Variants in KIF27 observed in about 807,000 individuals in gnomAD.
The protein encoded by KIF27 is kinesin family member 27.
A neutral mutation model predicts 141.8 loss-of-function variants in KIF27; 84 were observed. The ratio of observed to expected loss-of-function variants is 0.59; its 90% CI spans 0.50 to 0.71. The LOEUF is 0.71. Ranked by LOEUF, KIF27 falls within the 30% of genes least tolerant of loss-of-function variation. The pLI is 0.00. For missense variants in KIF27, 1,306 were observed against 1,628.4 expected, an observed-to-expected ratio of 0.80 and a Z score of 3.41; for synonymous variants, 471 against 569.5, an observed-to-expected ratio of 0.83 and a Z score of 2.46.
At chr9:83,853,963 T>C (rs1211162506) in intron 14 of KIF27, 128 bp from the exon 15 acceptor site, 3 of 716,416 alleles carry the variant, frequency 4.2e-6, no homozygotes, top group Non-Finnish European at 6.9e-6. Context: ...TTTAAGAAAA[T>C]GTTTTTTGAG....
At chr9:83,882,420 G>A (rs373886431) in intron 10 of KIF27, among the ~76,000 whole-genome samples, 1 of 152,160 alleles carries the variant, frequency 6.6e-6, no homozygotes, top group East Asian at 1.9e-4. Flanking sequence ...ACCACTATGG[G>A]ACTCTGACTG....
chr9:83,836,721 T>C lies in KIF27; in HGVS notation c.*280A>G. On this transcript the variant is annotated 3_prime_UTR_variant, in exon 18 of 18. Transcript: ENST00000297814. ...TATTTTAGTCTATTACTAGTTTTAA[T>C]CTTCAAATATGCCTGGAAAAACATT... is the stretch of plus-strand genomic sequence containing the variant. 3.1e-6 allele frequency: 1 copy of C among 317,528 alleles called. No homozygotes were observed. The highest frequency in any genetic ancestry group is 6.7e-5 in the East Asian group (1 of 14,894). 19.7% of individuals were successfully genotyped at this position (317,528 alleles called of 1,614,324 possible).
At chr9:83,871,213 G>A (rs893948109) in intron 11 of KIF27, among the ~76,000 whole-genome samples, 2 of 152,056 alleles carry the variant, frequency 1.3e-5, no homozygotes, top group African/African-American at 4.8e-5. Flanking sequence ...AAGTCACCAT[G>A]CTCAGCCTTA....
intron 13 of KIF27, among the ~76,000 whole-genome samples, chr9:83,866,952 C>T (rs1340796865): frequency 1.3e-5 from 2 of 148,496 alleles, no homozygotes; most frequent in Non-Finnish European, 3.0e-5. Context: ...TTATTCACCC[C>T]CCCCCCAAAA....
intron 10 of KIF27, among the ~76,000 whole-genome samples, chr9:83,883,044 T>C (rs1951808966): frequency 6.6e-6 from 1 of 151,882 alleles, no homozygotes; most frequent in Admixed American, 6.6e-5. Flanking sequence ...ACATCTATTT[T>C]GTTTAAAGCA....
chr9:83,859,395 A>T, intron 13 of KIF27, 24 bp from the exon 14 acceptor site: 1 of 1,540,680 alleles, frequency 6.5e-7, no homozygotes, highest in Non-Finnish European at 9.0e-7. Context: ...CCCACCAGCC[A>T]CCTCAAAAAC....
intron 10 of KIF27, 148 bp downstream of exon 10, chr9:83,883,665 A>C (rs1028693072): frequency 1.7e-5 from 10 of 574,982 alleles, no homozygotes; most frequent in Non-Finnish European, 1.8e-5. Flanking sequence ...AAAATATGTA[A>C]ATCGACCAGC....
At chr9:83,856,739 C>CAAA (rs1164022379) in intron 14 of KIF27, among the ~76,000 whole-genome samples, 2 of 64,346 alleles carry the variant, frequency 3.1e-5, no homozygotes, top group Non-Finnish European at 5.7e-5. Context: ...GACTCCGTCT[C>CAAA]AAAAAAAAAA....
chr9:83,903,999 T>A lies in KIF27; in HGVS notation c.519A>T (p.Glu173Asp). 1.9e-6 allele frequency: 3 copies of A among 1,603,576 alleles called. No homozygotes were observed. The highest frequency in any genetic ancestry group is 1.7e-6 in the Non-Finnish European group (2 of 1,174,920). ...CTTCACCTGCACTCTCCACATGGCA[T>A]TCCTTGGCCCCAACAATCACTTAAA... ...KGNTVIVGAK[E>D]CHVESAGEVM... is the part of the protein sequence containing the mutation. The change falls in exon 4 of 18, where the codon GAA becomes GAT. Residue 173 changes from glutamate (E) to aspartate (D), a missense_variant. Around this residue, in one of 4 missense-constraint regions of KIF27, gnomAD observed 533 missense variants for 565.6 expected, o/e 0.94. Transcript: ENST00000297814.
intron 13 of KIF27, among the ~76,000 whole-genome samples, chr9:83,863,049 T>C (rs1034737070): frequency 6.6e-6 from 1 of 152,228 alleles, no homozygotes; most frequent in East Asian, 1.9e-4. Flanking sequence ...TTGCTGAAGT[T>C]GCTTATTAGC....
At chr9:83,919,146 AAGAC>A (rs1401073230) in intron 1 of KIF27, among the ~76,000 whole-genome samples, 2 of 152,204 alleles carry the variant, frequency 1.3e-5, no homozygotes, top group Admixed American at 6.5e-5. Context: ...TATAATAAAA[AAGAC>A]AGATCATAAG....
chr9:83,842,636 T>G (rs1946719682), intron 16 of KIF27, among the ~76,000 whole-genome samples: 2 of 152,074 alleles, frequency 1.3e-5, no homozygotes, highest in Non-Finnish European at 2.9e-5. Context: ...CGGCTAATTT[T>G]TTTGTATTTT....
intron 11 of KIF27, among the ~76,000 whole-genome samples, chr9:83,873,744 C>T (rs933292611): frequency 6.6e-5 from 10 of 152,130 alleles, no homozygotes; most frequent in Admixed American, 2.0e-4. Flanking sequence ...TGACTCTCTA[C>T]GTAGTATTTC....
chr9:83,838,664 A>G (rs1946202616), intron 17 of KIF27: 1 of 152,258 alleles, frequency 6.6e-6, no homozygotes, highest in South Asian at 2.1e-4. Flanking sequence ...TAAAATTTGA[A>G]AAGTTTCATA....
At chr9:83,901,380 C>A (rs1476016965) in intron 4 of KIF27, among the ~76,000 whole-genome samples, 1 of 152,174 alleles carries the variant, frequency 6.6e-6, no homozygotes, top group East Asian at 1.9e-4. Flanking sequence ...AGAACATCCA[C>A]AATTATCTGA....
Position 83,903,175 on chromosome 9 carries a change from T to G in KIF27, c.1343A>C (p.Glu448Ala). 1 of 1,614,174 alleles carries G rather than the reference T, an allele frequency of 6.2e-7. No homozygotes were observed. Among genetic ancestry groups the G allele is most frequent in the South Asian group, 1.1e-5 (1 of 91,086 alleles). The change falls in exon 4 of 18, where the codon GAG becomes GCG. Residue 448 changes from glutamate (E) to alanine (A), a missense_variant. Glu to Ala is a moderately radical substitution (Grantham distance 107, BLOSUM62 -1). Transcript: ENST00000297814. ...KLQEWFNMIQ[E>A]VRKAVLTSFR... ...TGAGGTGAGGACAGCCTTCCTGACC[T>G]CTTGGATCATGTTAAACCACTCCTG...
chr9:83,885,944 GTGT>G (rs1392382622), intron 9 of KIF27, among the ~76,000 whole-genome samples: 1 of 120,888 alleles, frequency 8.3e-6, no homozygotes, highest in Non-Finnish European at 1.7e-5. Context: ...TAAGTTTTTT[GTGT>G]TGTTTTTTTT....
intron 9 of KIF27, 135 bp from the exon 10 acceptor site, chr9:83,884,153 G>A (rs1272886683): frequency 1.1e-5 from 6 of 566,306 alleles, no homozygotes; most frequent in Non-Finnish European, 1.5e-5. Context: ...AAACCCAGTT[G>A]TCCCCACCCA....
In KIF27 at chr9:83,899,699, C is replaced by T; in HGVS notation, c.1564G>A (p.Val522Ile). Residue 522 changes from valine (V) to isoleucine (I), a missense_variant, in exon 5 of 18, where the codon GTA becomes ATA. Val to Ile is a conservative substitution (Grantham distance 29). This residue lies in a region of KIF27 where 29 missense variants were observed against 60.3 expected (regional missense o/e 0.48). Coordinates refer to ENST00000297814, the MANE Select transcript of KIF27 (RefSeq NM_017576.4). ...MMVQENKGHA[V>I]SLKEAQKVNR... ...ACTTTTTGCGCTTCTTTCAAAGATA[C>T]AGCATGCCCTTTGTTTTCCTGTACC... 2 of 1,613,636 alleles carry T rather than the reference C, an allele frequency of 1.2e-6. No homozygotes were observed. Among genetic ancestry groups the T allele is most frequent in the African/African-American group, 1.3e-5 (1 of 75,050 alleles).
Sources: allele counts gnomAD v4.1 joint callset (sites outside exome capture counted in the v4.1 genomes callset), GRCh38; gene constraint gnomAD v4.1.1; regional missense constraint gnomAD v4.1.1; transcripts MANE v1.5; gene names NCBI Gene and HGNC (gene_info 2026-07-23, HGNC 2026-07-21).